IL3RA: variants seen among roughly 807,000 people sequenced by gnomAD.
The protein encoded by IL3RA is interleukin 3 receptor subunit alpha, also known as interleukin-3 receptor subunit alpha.
IL3RA carries 73 observed loss-of-function variants against 52.3 expected under a neutral mutation model. The observed-to-expected ratio is 1.40, with a 90% CI of 1.16 to 1.70. IL3RA has a LOEUF of 1.70. Among genes scored for constraint, IL3RA ranks in the 40% most tolerant of loss-of-function variants. IL3RA has a pLI of 0.00. For synonymous variants in IL3RA, 260 were observed against 194.0 expected (o/e 1.34, Z -2.83); for missense variants, 664 against 504.4 (o/e 1.32, Z -3.03).
At position 1,382,444 on chromosome X, in the gene IL3RA, A is replaced by T; in HGVS notation, c.1116A>T (p.Val372=). 6.2e-7 allele frequency: 1 copy of T among 1,613,882 alleles called. No individual in the cohort carries two copies. The highest frequency in any genetic ancestry group is 8.5e-7 in the Non-Finnish European group (1 of 1,179,840). ...TGGAGGAGTGTCTGGTGACTGAAGT[A>T]CAGGTCGTGCAGAAAACTTGAGACT... ...AGLEECLVTE[V]QVVQKT Residue 372 remains valine, a synonymous_variant, in exon 12 of 12, where the codon GTA becomes GTT. Transcript: ENST00000331035.
Position 1,378,664 on chromosome X carries a change from G to A in IL3RA, c.880G>A (p.Asp294Asn), listed in dbSNP as rs760454634. Residue 294 changes from aspartate (D) to asparagine (N), a missense_variant, in exon 10 of 12, where the codon GAC (aspartate) becomes AAC (asparagine). By Grantham distance (23) the Asp-to-Asn change is conservative. Coordinates refer to ENST00000331035, the MANE Select transcript of IL3RA (RefSeq NM_002183.4). Reference sequence around the variant, plus strand: ...CTCTCACCCTTTACCCCTAGAGTGCGACCAGGAGGAGGGCGCAAACACACG... The same window carrying A: ...CTCTCACCCTTTACCCCTAGAGTGCAACCAGGAGGAGGGCGCAAACACACG... The part of the protein sequence containing the change: ...AWSTPQRFEC[D>N]QEEGANTRAW... 7 of 1,612,278 alleles carry A rather than the reference G, an allele frequency of 4.3e-6. No homozygotes were observed. Among genetic ancestry groups the A allele is most frequent in the East Asian group, 2.2e-5 (1 of 44,886 alleles).
chrX:1,345,233 C>A (rs867305885), intron 2 of IL3RA, 83 bp from the exon 3 acceptor site: 12 of 683,526 alleles, frequency 1.8e-5, no homozygotes, highest in African/African-American at 3.9e-5. Flanking sequence ...ACTCCACGGG[C>A]AAAAAAAAAA....
chrX:1,355,816 G>A (rs1157590039), intron 6 of IL3RA, among the ~76,000 whole-genome samples: 41 of 151,986 alleles, frequency 2.7e-4, no homozygotes, highest in Non-Finnish European at 5.0e-4. Context: ...GGGAAGTAGG[G>A]GTTGGCCCTG....
intron 2 of IL3RA, among the ~76,000 whole-genome samples, chrX:1,344,650 G>A (rs1354027975): frequency 6.6e-6 from 1 of 150,800 alleles, no homozygotes; most frequent in African/African-American, 2.4e-5. Context: ...GTGGGCTCCT[G>A]TAATCCTAGC....
chrX:1,344,771 C>T (rs1164598584), intron 2 of IL3RA, among the ~76,000 whole-genome samples: 1 of 150,312 alleles, frequency 6.7e-6, no homozygotes, highest in African/African-American at 2.5e-5. Context: ...AAAACTCCGT[C>T]TCAAAAAAAT....
chrX:1,356,875 TC>T (rs1371496702), intron 7 of IL3RA, among the ~76,000 whole-genome samples: 78 of 152,090 alleles, frequency 5.1e-4, no homozygotes, highest in Non-Finnish European at 8.4e-4. Flanking sequence ...CTTTCTTTTT[TC>T]TTTTGTAGTG....
chrX:1,352,077 C>A (rs1204407515), intron 4 of IL3RA, 23 bp from the exon 5 acceptor site: 1 of 1,612,640 alleles, frequency 6.2e-7, no homozygotes, highest in East Asian at 2.2e-5. Context: ...GATTCGAGTT[C>A]TCTTTCATGT....
chrX:1,349,742 A>C (rs1218803649), intron 4 of IL3RA, among the ~76,000 whole-genome samples: 11 of 151,846 alleles, frequency 7.2e-5, no homozygotes, highest in African/African-American at 2.7e-4. Context: ...AGCTTACCGC[A>C]AACTCCGCCT....
chrX:1,349,643 A>G (rs1276419521), intron 4 of IL3RA, among the ~76,000 whole-genome samples: 1 of 150,518 alleles, frequency 6.6e-6, no homozygotes, highest in African/African-American at 2.5e-5. Context: ...TTAGAAGTCC[A>G]TGGTTTATTT....
chrX:1,338,079 C>T (rs2085371329), intron 1 of IL3RA, among the ~76,000 whole-genome samples: 1 of 151,032 alleles, frequency 6.6e-6, no homozygotes, highest in Non-Finnish European at 1.5e-5. Flanking sequence ...GAACAAGCAG[C>T]TTTATTCACA....
chrX:1,361,686 G>A (rs1393537235), intron 8 of IL3RA, among the ~76,000 whole-genome samples: 3 of 147,634 alleles, frequency 2.0e-5, no homozygotes, highest in Non-Finnish European at 4.4e-5. Context: ...CCGGGAGGCA[G>A]AGGTTGCAGT....
intron 8 of IL3RA, 104 bp from the exon 9 acceptor site, chrX:1,365,034 C>T: frequency 1.4e-6 from 1 of 736,552 alleles, no homozygotes; most frequent in Non-Finnish European, 2.4e-6. Context: ...GTCTCGAACT[C>T]CTGACCTCAG....
Position 1,378,690 on chromosome X carries a change from T to C in IL3RA, c.906T>C (p.Arg302=). The change falls in exon 10 of 12, where the codon CGT becomes CGC. Residue 302 remains arginine (R), a synonymous_variant. Coordinates refer to ENST00000331035, the MANE Select transcript of IL3RA (RefSeq NM_002183.4). ...ECDQEEGANT[R]AWRTSLLIAL... is the part of the protein sequence containing the mutation. Reference sequence around the variant, plus strand: ...ACCAGGAGGAGGGCGCAAACACACGTGCCTGGCGGACGTCGCTGCTGATCG... The same window carrying C: ...ACCAGGAGGAGGGCGCAAACACACGCGCCTGGCGGACGTCGCTGCTGATCG... 1 of 1,612,712 alleles carries C rather than the reference T, an allele frequency of 6.2e-7. No homozygotes were observed. The highest frequency in any genetic ancestry group is 8.5e-7 in the Non-Finnish European group (1 of 1,179,834).
chrX:1,348,692 T>TTCTTTC lies in IL3RA; in HGVS notation c.298+148_298+149insCTTTCT, dbSNP rs1401190803. On this transcript the variant is annotated intron_variant, in intron 4 of 11. Transcript: ENST00000331035. ...TTTCTTTCTTTCTTTCTTTCTTTCTTTTTCTTTCTTTCTGTTTCTGTTTCT... is the reference window on the plus strand; with the variant it reads ...TTTCTTTCTTTCTTTCTTTCTTTCTTTCTTTCTTTCTTTCTTTCTGTTTCTGTTTCT... 102 of 280,600 alleles carry TTCTTTC rather than the reference T, an allele frequency of 3.6e-4. 2 individuals carry two copies. The highest frequency in any genetic ancestry group is 8.9e-4 in the African/African-American group (33 of 37,006). 17.4% of individuals were successfully genotyped at this position (280,600 alleles called of 1,614,324 possible).
intron 11 of IL3RA, 36 bp downstream of exon 11, chrX:1,381,140 G>C: frequency 6.2e-7 from 1 of 1,601,526 alleles, no homozygotes; most frequent in Non-Finnish European, 8.6e-7. Flanking sequence ...CGGGTCTGGA[G>C]GCGTGGTGGC....
rs769183312 is a variant in IL3RA, at chrX:1,348,340, C to T, written c.184-91C>T. ...TGCACTCCAGCGTGGGCGACGAGAG[C>T]GAAACTCTGCCTCAAAAAAAATCTG... On this transcript the variant is annotated intron_variant, in intron 3 of 11. Transcript: ENST00000331035. The T allele has an allele frequency of 8.3e-5, 85 of 1,024,882 alleles. No individual in the cohort carries two copies. In the African/African-American group the frequency reaches 8.5e-4, roughly 10 times the overall value. 63.5% of individuals were successfully genotyped at this position (1,024,882 alleles called of 1,614,324 possible).
chrX:1,363,482 A>C (rs2087639033), intron 8 of IL3RA, among the ~76,000 whole-genome samples: 1 of 150,958 alleles, frequency 6.6e-6, no homozygotes, highest in African/African-American at 2.4e-5. Flanking sequence ...TTGTATTTTT[A>C]GTAGAGACGG....
chrX:1,379,902 A>C (rs1422716446), intron 10 of IL3RA, among the ~76,000 whole-genome samples: 1 of 152,176 alleles, frequency 6.6e-6, no homozygotes, highest in African/African-American at 2.4e-5. Flanking sequence ...CTGGGATTAC[A>C]AGGATGTGCC....
chrX:1,338,036 A>C (rs1488123178), intron 1 of IL3RA, among the ~76,000 whole-genome samples: 4 of 130,718 alleles, frequency 3.1e-5, no homozygotes, highest in African/African-American at 8.8e-5. Flanking sequence ...TGTGGTCCAG[A>C]CACACAGTGG....
Sources: gnomAD v4.1 joint callset for allele counts (sites outside exome capture counted in the v4.1 genomes callset) on GRCh38, gnomAD v4.1.1 for gene constraint, MANE v1.5 for transcripts, NCBI Gene and HGNC (gene_info 2026-07-23, HGNC 2026-07-21) for gene names.